The following NKAIN2 variants were observed in gnomAD, a reference collection of about 807,000 sequenced individuals.
NKAIN2 encodes the protein sodium/potassium transporting ATPase interacting 2, also known as sodium/potassium-transporting ATPase subunit beta-1-interacting protein 2.
In NKAIN2, 14 loss-of-function variants were observed where a neutral mutation model predicts 32.6. The observed-to-expected ratio is 0.43, with a 90% CI of 0.28 to 0.67. The LOEUF (loss-of-function observed/expected upper bound fraction) is 0.67, where lower values mean the gene tolerates loss of function less well. Ranked by LOEUF, NKAIN2 falls within the 30% of genes least tolerant of loss-of-function variation. The pLI is 0.17. For missense variants in NKAIN2, 198 were observed against 258.3 expected, an observed-to-expected ratio of 0.77 and a Z score of 1.60; for synonymous variants, 80 against 87.2, an observed-to-expected ratio of 0.92 and a Z score of 0.46.
intron 1 of NKAIN2, among the ~76,000 whole-genome samples, chr6:124,172,982 C>T (rs539958927): frequency 6.6e-5 from 10 of 152,196 alleles, no homozygotes; most frequent in Admixed American, 1.3e-4. Context: ...ACACTCAAAG[C>T]TTTCCATTTA....
intron 4 of NKAIN2, among the ~76,000 whole-genome samples, chr6:124,762,221 G>A (rs982913108): frequency 6.6e-6 from 1 of 152,102 alleles, no homozygotes. Context: ...CTTGCAGGTG[G>A]CCACCTTCTT....
At chr6:124,531,225 C>G (rs999036492) in intron 3 of NKAIN2, among the ~76,000 whole-genome samples, 5 of 152,174 alleles carry the variant, frequency 3.3e-5, no homozygotes, top group African/African-American at 1.2e-4. Flanking sequence ...GTTGCTTAAG[C>G]CACCCAGTCT....
chr6:124,716,848 T>C (rs1053251625), intron 4 of NKAIN2, among the ~76,000 whole-genome samples: 2 of 151,846 alleles, frequency 1.3e-5, no homozygotes, highest in Non-Finnish European at 2.9e-5. Flanking sequence ...TTTACTAATT[T>C]TTCTAGCCTA....
chr6:124,314,820 G>A (rs1270503203), intron 2 of NKAIN2, among the ~76,000 whole-genome samples: 1 of 152,140 alleles, frequency 6.6e-6, no homozygotes, highest in African/African-American at 2.4e-5. Context: ...AAGCACCACT[G>A]CAATATCCAT....
intron 3 of NKAIN2, among the ~76,000 whole-genome samples, chr6:124,564,270 CT>C (rs1780814881): frequency 8.3e-6 from 1 of 119,894 alleles, no homozygotes; most frequent in African/African-American, 4.1e-5. Context: ...AATCAGCACT[CT>C]GTGTCTAGCT....
At chr6:124,731,485 C>T (rs1273808749) in intron 4 of NKAIN2, among the ~76,000 whole-genome samples, 2 of 139,282 alleles carry the variant, frequency 1.4e-5, no homozygotes, top group Non-Finnish European at 3.0e-5. Flanking sequence ...CGCATATTCT[C>T]ACTCATAGGT....
At chr6:124,667,062 C>G (rs1011354612) in intron 4 of NKAIN2, among the ~76,000 whole-genome samples, 2 of 152,112 alleles carry the variant, frequency 1.3e-5, no homozygotes, top group African/African-American at 4.8e-5. Context: ...CCAGATAGAA[C>G]TGTGATTCTT....
intron 3 of NKAIN2, among the ~76,000 whole-genome samples, chr6:124,377,769 T>C (rs1800054614): frequency 6.6e-6 from 1 of 152,152 alleles, no homozygotes; most frequent in Non-Finnish European, 1.5e-5. Flanking sequence ...TAAAATAGTT[T>C]GCATTTTAGG....
At chr6:124,128,190 A>G (rs1034956379) in intron 1 of NKAIN2, among the ~76,000 whole-genome samples, 48 of 152,050 alleles carry the variant, frequency 3.2e-4, no homozygotes, top group African/African-American at 1.1e-3. Flanking sequence ...CTCCTAACAA[A>G]CCAGGTCTTC....
chr6:124,331,840 T>C (rs1331602373), intron 2 of NKAIN2, among the ~76,000 whole-genome samples: 1 of 152,174 alleles, frequency 6.6e-6, no homozygotes, highest in Non-Finnish European at 1.5e-5. Context: ...AAAGATACAA[T>C]GGTTATTTCT....
At chr6:124,699,365 A>G (rs1774657167) in intron 4 of NKAIN2, among the ~76,000 whole-genome samples, 1 of 152,148 alleles carries the variant, frequency 6.6e-6, no homozygotes, top group Non-Finnish European at 1.5e-5. Flanking sequence ...GCAACCCAGG[A>G]AAGTGCCTTC....
chr6:124,056,138 A>G (rs1395796284), intron 1 of NKAIN2, among the ~76,000 whole-genome samples: 2 of 152,048 alleles, frequency 1.3e-5, no homozygotes, highest in Non-Finnish European at 2.9e-5. Flanking sequence ...TGGCTGAGCA[A>G]TGCAGGGTAA....
intron 1 of NKAIN2, among the ~76,000 whole-genome samples, chr6:124,126,616 A>G (rs952687724): frequency 2.0e-5 from 3 of 152,098 alleles, no homozygotes; most frequent in Non-Finnish European, 2.9e-5. Flanking sequence ...GTATTGCCCA[A>G]TCCTTCATTA....
At chr6:124,684,513 T>C (rs554355203) in intron 4 of NKAIN2, among the ~76,000 whole-genome samples, 5 of 152,294 alleles carry the variant, frequency 3.3e-5, no homozygotes, top group African/African-American at 1.2e-4. Context: ...TAGTAAACAA[T>C]TTATACTACA....
chr6:124,031,867 G>A (rs1279074670), intron 1 of NKAIN2, among the ~76,000 whole-genome samples: 1 of 151,918 alleles, frequency 6.6e-6, no homozygotes, highest in African/African-American at 2.4e-5. Flanking sequence ...TATTCCTCAA[G>A]GATCTAGAAC....
At chr6:124,344,852 A>G (rs1329725656) in intron 2 of NKAIN2, among the ~76,000 whole-genome samples, 2 of 152,208 alleles carry the variant, frequency 1.3e-5, no homozygotes, top group South Asian at 2.1e-4. Flanking sequence ...TGCCCTGGCC[A>G]GAACTTCCAA....
chr6:123,922,772 G>A (rs1301038990), intron 1 of NKAIN2, among the ~76,000 whole-genome samples: 1 of 152,278 alleles, frequency 6.6e-6, no homozygotes, highest in South Asian at 2.1e-4. Context: ...TTGGATATAA[G>A]AGGTAGGAGG....
At chr6:124,547,941 T>C (rs1780154668) in intron 3 of NKAIN2, among the ~76,000 whole-genome samples, 1 of 152,140 alleles carries the variant, frequency 6.6e-6, no homozygotes. Context: ...TTCAGGTCAG[T>C]GCAAAATAAT....
chr6:124,210,789 G>T (rs1159870951), intron 1 of NKAIN2, among the ~76,000 whole-genome samples: 1 of 151,310 alleles, frequency 6.6e-6, no homozygotes, highest in Non-Finnish European at 1.5e-5. Context: ...TTTGAATGTT[G>T]ATATTGTGTT....
Sources: gnomAD v4.1 joint callset for allele counts (sites outside exome capture counted in the v4.1 genomes callset) on GRCh38, gnomAD v4.1.1 for gene constraint, MANE v1.5 for transcripts, NCBI Gene and HGNC (gene_info 2026-07-23, HGNC 2026-07-21) for gene names.